Variants in RALYL observed in about 807,000 individuals in gnomAD.
The protein encoded by RALYL is RALY RNA binding protein like.
Under a neutral mutation model 35.1 loss-of-function variants are expected in RALYL, and 29 were observed. The observed-to-expected ratio is 0.83, with a 90% CI of 0.61 to 1.13. The LOEUF (loss-of-function observed/expected upper bound fraction) is 1.13. Ranked by LOEUF, RALYL falls within the 50% of genes most tolerant of loss-of-function variation. The pLI, the probability that RALYL is intolerant of heterozygous loss-of-function variation, is 0.00. For synonymous variants in RALYL, 120 were observed against 127.6 expected, an observed-to-expected ratio of 0.94 and a Z score of 0.40; for missense variants, 359 against 360.4, an observed-to-expected ratio of 1.00 and a Z score of 0.03.
chr8:84,238,124 T>G (rs1352527549), intron 1 of RALYL, among the ~76,000 whole-genome samples: 1 of 152,086 alleles, frequency 6.6e-6, no homozygotes, highest in Non-Finnish European at 1.5e-5. Context: ...GCATAAAATA[T>G]TTTGTAGAAT....
chr8:84,346,990 G>T (rs1255356343), intron 1 of RALYL, among the ~76,000 whole-genome samples: 1 of 151,970 alleles, frequency 6.6e-6, no homozygotes, highest in East Asian at 1.9e-4. Flanking sequence ...ATAAGGTCAG[G>T]AGTTCAAGAC....
chr8:84,686,011 A>G (rs748722123), intron 2 of RALYL, among the ~76,000 whole-genome samples: 1 of 152,130 alleles, frequency 6.6e-6, no homozygotes, highest in Non-Finnish European at 1.5e-5. Flanking sequence ...GTATGTGTGG[A>G]TTAGGGTACA....
At chr8:84,434,744 G>C (rs139636931) in intron 1 of RALYL, among the ~76,000 whole-genome samples, 1 of 151,984 alleles carries the variant, frequency 6.6e-6, no homozygotes, top group African/African-American at 2.4e-5. Flanking sequence ...ACCTGAGCTC[G>C]AGTAATTCTC....
intron 2 of RALYL, among the ~76,000 whole-genome samples, chr8:84,711,567 C>T (rs1322906734): frequency 6.6e-6 from 1 of 151,966 alleles, no homozygotes; most frequent in Non-Finnish European, 1.5e-5. Flanking sequence ...AAAAATCTTC[C>T]TATGAGAAAA....
chr8:84,722,645 ATATG>A lies in RALYL; in HGVS notation c.257-51926_257-51923del, dbSNP rs1554546409. On this transcript the variant is annotated intron_variant, in intron 2 of 8. Coordinates refer to ENST00000521268, the MANE Select transcript of RALYL (RefSeq NM_173848.7). ...TATATATATATATATATATATATAT[ATATG>A]TATGTATATAAAATATTGTGTATAT... is the stretch of plus-strand genomic sequence containing the variant. Among the ~76,000 whole-genome samples the A allele has an allele frequency of 4.0e-3, 548 of 138,392 alleles. 9 individuals are homozygous for A. The highest frequency in any genetic ancestry group is 7.5e-3 in the Middle Eastern group (2 of 266). The allele number at this position is 138,392 out of a possible 152,430, so 90.8% of individuals were successfully genotyped here.
rs1585985443 is a variant in RALYL, at chr8:84,184,058, C to T, written c.-390C>T. 6.6e-6 allele frequency: 1 copy of T among 152,014 alleles called. No homozygotes were observed. Among genetic ancestry groups the T allele is most frequent in the East Asian group, 1.9e-4 (1 of 5,166 alleles). 9.4% of individuals were successfully genotyped at this position (152,014 alleles called of 1,614,324 possible). A position where few individuals can be genotyped will look rare whatever the true frequency, so the allele number is the denominator to read the frequency against. ...AGACATTAATTTTATATTTTTTGTG[C>T]CCTTTTTGGAAGCCGGTGAAAACAA... On this transcript the variant is annotated 5_prime_UTR_variant, in exon 1 of 9. Transcript: ENST00000521268.
chr8:84,428,276 A>G (rs570820656), intron 1 of RALYL, among the ~76,000 whole-genome samples: 2 of 152,196 alleles, frequency 1.3e-5, no homozygotes, highest in Non-Finnish European at 2.9e-5. Context: ...TGTTAGATAA[A>G]AAGATAATCA....
intron 1 of RALYL, among the ~76,000 whole-genome samples, chr8:84,489,704 C>T (rs1321336386): frequency 6.6e-6 from 1 of 151,956 alleles, no homozygotes. Flanking sequence ...TGTCAGAACA[C>T]AGTTGTCAGG....
intron 2 of RALYL, among the ~76,000 whole-genome samples, chr8:84,620,824 C>A (rs1345662249): frequency 6.6e-6 from 1 of 152,150 alleles, no homozygotes; most frequent in Non-Finnish European, 1.5e-5. Flanking sequence ...ACAGGACCCT[C>A]AGCTGCAGGT....
chr8:84,837,669 AGT>A (rs1166972150), intron 4 of RALYL, among the ~76,000 whole-genome samples: 1 of 152,238 alleles, frequency 6.6e-6, no homozygotes, highest in East Asian at 1.9e-4. Flanking sequence ...TAAAAGAAAC[AGT>A]GTGGATATAT....
chr8:84,595,152 G>A (rs1274049932), intron 2 of RALYL, among the ~76,000 whole-genome samples: 2 of 152,056 alleles, frequency 1.3e-5, no homozygotes, highest in Non-Finnish European at 2.9e-5. Flanking sequence ...AGGTGGGCAC[G>A]GGGCAGGAAC....
chr8:84,840,006 C>A (rs561500085), intron 4 of RALYL, among the ~76,000 whole-genome samples: 7,679 of 152,158 alleles, frequency 0.05, 628 homozygotes, highest in African/African-American at 0.18. Flanking sequence ...GATAAAACCA[C>A]AAAGATGGGG....
chr8:84,498,253 C>T (rs1039995735), intron 1 of RALYL, among the ~76,000 whole-genome samples: 5 of 151,956 alleles, frequency 3.3e-5, no homozygotes, highest in African/African-American at 1.2e-4. Context: ...AATGAATATG[C>T]TCTCTTCAGC....
intron 1 of RALYL, among the ~76,000 whole-genome samples, chr8:84,506,304 G>T (rs1030395329): frequency 7.9e-5 from 12 of 151,950 alleles, no homozygotes; most frequent in Non-Finnish European, 1.8e-4. Context: ...TCATAAAGAC[G>T]CACAGCTTAT....
chr8:84,911,037 T>C (rs1847425566), intron 8 of RALYL, among the ~76,000 whole-genome samples: 1 of 152,124 alleles, frequency 6.6e-6, no homozygotes, highest in Admixed American at 6.6e-5. Flanking sequence ...AGAGTAACTA[T>C]ATCTGGAAGT....
intron 2 of RALYL, among the ~76,000 whole-genome samples, chr8:84,641,476 AG>A (rs1346772717): frequency 6.6e-6 from 1 of 151,844 alleles, no homozygotes; most frequent in East Asian, 1.9e-4. Context: ...GAGACATCCA[AG>A]GAGCACTTAT....
intron 2 of RALYL, among the ~76,000 whole-genome samples, chr8:84,688,030 A>G (rs1421052849): frequency 3.3e-5 from 5 of 152,198 alleles, no homozygotes; most frequent in African/African-American, 9.6e-5. Context: ...AAGAATTTAA[A>G]TGGACAAATG....
intron 1 of RALYL, among the ~76,000 whole-genome samples, chr8:84,246,749 A>T (rs1465355510): frequency 6.6e-6 from 1 of 152,178 alleles, no homozygotes; most frequent in Non-Finnish European, 1.5e-5. Flanking sequence ...CTGTTGCCAC[A>T]GTCCAGGTGT....
At chr8:84,884,477 A>C (rs1403825991) in intron 7 of RALYL, among the ~76,000 whole-genome samples, 1 of 151,118 alleles carries the variant, frequency 6.6e-6, no homozygotes, top group African/African-American at 2.4e-5. Context: ...TCTTCTAGAG[A>C]AAAAATTATA....
Sources: allele counts gnomAD v4.1 joint callset (sites outside exome capture counted in the v4.1 genomes callset), GRCh38; gene constraint gnomAD v4.1.1; transcripts MANE v1.5; gene names NCBI Gene and HGNC (gene_info 2026-07-23, HGNC 2026-07-21).